EPHA7: variants seen among roughly 807,000 people sequenced by gnomAD.
The protein encoded by EPHA7 is EPH receptor A7.
In EPHA7, 25 loss-of-function variants were observed where a neutral mutation model predicts 112.6. That is an observed-to-expected ratio of 0.22 (90% confidence interval 0.16 to 0.31). The LOEUF (loss-of-function observed/expected upper bound fraction) is 0.31. Among genes scored for constraint, EPHA7 ranks in the 10% least tolerant of loss-of-function variants. The pLI, the probability that EPHA7 is intolerant of heterozygous loss-of-function variation, is 1.00. For synonymous variants in EPHA7, 437 were observed against 406.5 expected (o/e 1.07, Z -0.90); for missense variants, 962 against 1,212.6 (o/e 0.79, Z 3.07).
At chr6:93,414,569 C>T (rs752942669) in intron 2 of EPHA7, 134 bp downstream of exon 2, 2 of 703,518 alleles carry the variant, frequency 2.8e-6, no homozygotes, top group African/African-American at 1.8e-5. Flanking sequence ...ATTATAAATG[C>T]AACATAATAT....
chr6:93,332,480 T>C (rs1774644484), intron 5 of EPHA7, among the ~76,000 whole-genome samples: 1 of 151,652 alleles, frequency 6.6e-6, no homozygotes, highest in African/African-American at 2.4e-5. Flanking sequence ...ATCTCTCTCT[T>C]TGCTAAGTGG....
At chr6:93,326,591 A>T (rs1421199222) in intron 5 of EPHA7, among the ~76,000 whole-genome samples, 1 of 151,474 alleles carries the variant, frequency 6.6e-6, no homozygotes, top group African/African-American at 2.4e-5. Context: ...TGAAACTGAA[A>T]GGTAAGGTCT....
intron 5 of EPHA7, among the ~76,000 whole-genome samples, chr6:93,349,333 A>G (rs1459445154): frequency 1.3e-5 from 2 of 152,030 alleles, no homozygotes; most frequent in Non-Finnish European, 2.9e-5. Flanking sequence ...AGCAAAGCAT[A>G]TGAATTACTA....
At chr6:93,314,447 C>A (rs991438949) in intron 5 of EPHA7, among the ~76,000 whole-genome samples, 5 of 152,022 alleles carry the variant, frequency 3.3e-5, no homozygotes, top group African/African-American at 1.2e-4. Context: ...AAAAGCTGAC[C>A]CTTTCACTGA....
chr6:93,349,187 CT>C (rs1775564188), intron 5 of EPHA7, among the ~76,000 whole-genome samples: 1 of 151,686 alleles, frequency 6.6e-6, no homozygotes, highest in Non-Finnish European at 1.5e-5. Flanking sequence ...AAATATCATC[CT>C]TTTTGTATGT....
In EPHA7 at chr6:93,243,338, T is replaced by C; in HGVS notation, c.*88A>G. The stretch of plus-strand genomic sequence containing the variant: ...TGTTGGAAGGACCCAGGACATCACT[T>C]GTCTTCTAGCAGCATTCTATGCATA... On this transcript the variant is annotated 3_prime_UTR_variant, in exon 17 of 17. Coordinates refer to ENST00000369303, the MANE Select transcript of EPHA7 (RefSeq NM_004440.4). 1 of 969,088 alleles carries C rather than the reference T, an allele frequency of 1.0e-6. No individual in the cohort carries two copies. Among genetic ancestry groups the C allele is most frequent in the East Asian group, 2.5e-5 (1 of 40,052 alleles). 60.0% of individuals were successfully genotyped at this position (969,088 alleles called of 1,614,324 possible).
At chr6:93,357,897 T>C (rs1422339026) in intron 4 of EPHA7, among the ~76,000 whole-genome samples, 1 of 152,046 alleles carries the variant, frequency 6.6e-6, no homozygotes, top group African/African-American at 2.4e-5. Context: ...CAGGTGATTA[T>C]GATCCACCCG....
chr6:93,386,574 T>C (rs1253818137), intron 3 of EPHA7, among the ~76,000 whole-genome samples: 1 of 152,142 alleles, frequency 6.6e-6, no homozygotes, highest in Admixed American at 6.6e-5. Flanking sequence ...GTATGAATAA[T>C]GGTGGCCCTC....
intron 5 of EPHA7, among the ~76,000 whole-genome samples, chr6:93,299,050 G>A (rs1319342705): frequency 6.6e-6 from 1 of 152,122 alleles, no homozygotes; most frequent in Non-Finnish European, 1.5e-5. Context: ...AGCTCAGCCG[G>A]GCGCGGTGGC....
intron 3 of EPHA7, among the ~76,000 whole-genome samples, chr6:93,375,036 C>T (rs1165856633): frequency 6.6e-6 from 1 of 152,080 alleles, no homozygotes; most frequent in Non-Finnish European, 1.5e-5. Flanking sequence ...AACTAAATGT[C>T]TGAAAGTTTC....
At chr6:93,259,654 C>T (rs1322988876) in intron 9 of EPHA7, among the ~76,000 whole-genome samples, 175 bp from the exon 10 acceptor site, 1 of 151,926 alleles carries the variant, frequency 6.6e-6, no homozygotes, top group Admixed American at 6.6e-5. Context: ...GTATTATCTG[C>T]AAGCTTCTAT....
chr6:93,282,903 T>TCC (rs778407883), intron 5 of EPHA7, among the ~76,000 whole-genome samples: 2 of 152,118 alleles, frequency 1.3e-5, no homozygotes, highest in African/African-American at 2.4e-5. Flanking sequence ...CCCCATGGGT[T>TCC]CCTGCATGGC....
chr6:93,409,670 T>G (rs1049787302), intron 3 of EPHA7: 3 of 151,900 alleles, frequency 2.0e-5, no homozygotes, highest in African/African-American at 7.2e-5. Context: ...AACTTTATAA[T>G]TTATTTTCAT....
intron 5 of EPHA7, among the ~76,000 whole-genome samples, chr6:93,276,397 A>C (rs183008859): frequency 2.8e-4 from 43 of 152,146 alleles, no homozygotes; most frequent in Non-Finnish European, 1.2e-4. Flanking sequence ...GTCCTATCAG[A>C]GCAAAGAATT....
rs577575194 is a variant in EPHA7 at position 93,256,428 on chromosome 6, T to C, written c.2173-391A>G. Among the ~76,000 whole-genome samples the C allele has an allele frequency of 2.6e-5, 4 of 152,118 alleles. No homozygotes were observed. In the South Asian group the frequency reaches 6.2e-4, roughly 24 times the overall value. On this transcript the variant is annotated intron_variant, in intron 12 of 16. Coordinates refer to ENST00000369303, the MANE Select transcript of EPHA7 (RefSeq NM_004440.4). ...AAGTATATAAAGAAATTAATATACATATAATAAGGTTTATTTTCCTCTAAA... is the reference window on the plus strand; with the variant it reads ...AAGTATATAAAGAAATTAATATACACATAATAAGGTTTATTTTCCTCTAAA...
At chr6:93,353,229 T>G (rs1274708351) in intron 5 of EPHA7, among the ~76,000 whole-genome samples, 8 of 152,132 alleles carry the variant, frequency 5.3e-5, no homozygotes, top group Admixed American at 5.3e-4. Flanking sequence ...TAACTTGATC[T>G]TTGTGACTTC....
intron 12 of EPHA7, among the ~76,000 whole-genome samples, 191 bp from the exon 13 acceptor site, chr6:93,256,228 G>A (rs573430391): frequency 1.3e-5 from 2 of 152,062 alleles, no homozygotes; most frequent in South Asian, 4.2e-4. Context: ...GATAATTTTG[G>A]TAATCATTTA....
intron 3 of EPHA7, among the ~76,000 whole-genome samples, chr6:93,370,002 C>T (rs1045349834): frequency 2.0e-5 from 3 of 152,176 alleles, no homozygotes; most frequent in Non-Finnish European, 4.4e-5. Flanking sequence ...GTCTTTAAGT[C>T]TCCCTGTTAT....
At chr6:93,346,032 A>T (rs1250095204) in intron 5 of EPHA7, among the ~76,000 whole-genome samples, 1 of 151,654 alleles carries the variant, frequency 6.6e-6, no homozygotes, top group Admixed American at 6.6e-5. Flanking sequence ...CCTATCTTTC[A>T]CCTACATTTC....
Sources: allele counts gnomAD v4.1 joint callset (sites outside exome capture counted in the v4.1 genomes callset), GRCh38; gene constraint gnomAD v4.1.1; transcripts MANE v1.5; gene names NCBI Gene and HGNC (gene_info 2026-07-23, HGNC 2026-07-21).